Variants in HS2ST1 observed in about 807,000 individuals in gnomAD.
HS2ST1 encodes heparan sulfate 2-O-sulfotransferase 1.
Under a neutral mutation model 42.9 loss-of-function variants are expected in HS2ST1, and 18 were observed. The ratio of observed to expected loss-of-function variants is 0.42; its 90% CI spans 0.29 to 0.62. HS2ST1 has a LOEUF of 0.62. Ranked by LOEUF, HS2ST1 falls within the 20% of genes least tolerant of loss-of-function variation. The probability of loss-of-function intolerance (pLI) is 0.21; values close to 1 mark genes in which losing one functional copy is unlikely to be tolerated. For missense variants in HS2ST1, 334 were observed against 433.8 expected (o/e 0.77, Z 2.04); for synonymous variants, 146 against 152.9 (o/e 0.95, Z 0.33).
At chr1:86,924,985 T>C (rs1660384991) in intron 1 of HS2ST1, among the ~76,000 whole-genome samples, 2 of 152,356 alleles carry the variant, frequency 1.3e-5, no homozygotes, top group Admixed American at 6.5e-5. Flanking sequence ...ACTTTGATGC[T>C]CTGTTTCCCT....
chr1:86,953,327 T>C (rs1433746768), intron 1 of HS2ST1, among the ~76,000 whole-genome samples: 3 of 152,220 alleles, frequency 2.0e-5, no homozygotes, highest in Non-Finnish European at 4.4e-5. Flanking sequence ...GGCAGTTTCG[T>C]TTTCTTATCA....
In HS2ST1 at chr1:87,057,878, A is replaced by C. The variant is rs145789621; in HGVS notation, c.125-15056A>C. 5.3e-3 allele frequency among the ~76,000 whole-genome samples: 799 copies of C among 151,638 alleles called. 21 individuals carry two copies. The highest frequency in any genetic ancestry group is 0.024 in the Middle Eastern group (7 of 294). On this transcript the variant is annotated intron_variant, in intron 1 of 6. Coordinates refer to ENST00000370550, the MANE Select transcript of HS2ST1 (RefSeq NM_012262.4). ...AAAAAGAAAAAGAGAGAGAAAAAAA[A>C]CTGTATTTTTTGTCTTAAGCTAAAC...
chr1:87,080,808 G>A (rs1036385006), intron 2 of HS2ST1, among the ~76,000 whole-genome samples: 18 of 152,262 alleles, frequency 1.2e-4, no homozygotes, highest in Admixed American at 1.0e-3. Flanking sequence ...GTTTGAATAT[G>A]GTGCTGCCCT....
chr1:86,921,926 G>C (rs1278853404), intron 1 of HS2ST1, among the ~76,000 whole-genome samples: 1 of 152,050 alleles, frequency 6.6e-6, no homozygotes, highest in African/African-American at 2.4e-5. Flanking sequence ...TATTTAAAGT[G>C]GATTTTTGGT....
At chr1:86,963,099 AT>A (rs1210739224) in intron 1 of HS2ST1, among the ~76,000 whole-genome samples, 1 of 151,512 alleles carries the variant, frequency 6.6e-6, no homozygotes, top group Non-Finnish European at 1.5e-5. Context: ...GAAAGTTCGA[AT>A]TTTTTTTCAT....
intron 1 of HS2ST1, among the ~76,000 whole-genome samples, chr1:86,943,260 T>C (rs1570436278): frequency 6.6e-6 from 1 of 152,306 alleles, no homozygotes; most frequent in East Asian, 1.9e-4. Flanking sequence ...TATTTAAATG[T>C]CTGATACTGA....
At chr1:87,050,234 ATAAT>A (rs1487231802) in intron 1 of HS2ST1, among the ~76,000 whole-genome samples, 2 of 151,996 alleles carry the variant, frequency 1.3e-5, no homozygotes, top group African/African-American at 4.8e-5. Flanking sequence ...ATGGATCCTG[ATAAT>A]TAGTACATTA....
At chr1:87,048,271 C>G (rs774091519) in intron 1 of HS2ST1, among the ~76,000 whole-genome samples, 3 of 152,152 alleles carry the variant, frequency 2.0e-5, no homozygotes, top group Non-Finnish European at 2.9e-5. Context: ...TTGCTAAACT[C>G]ATTAATTCTC....
chr1:87,088,089 T>A (rs1651854571), intron 3 of HS2ST1, among the ~76,000 whole-genome samples: 2 of 152,102 alleles, frequency 1.3e-5, no homozygotes, highest in Admixed American at 6.6e-5. Flanking sequence ...GTGATTCTTT[T>A]TAAAATTCTG....
At chr1:87,079,066 TC>T (rs899978084) in intron 2 of HS2ST1, among the ~76,000 whole-genome samples, 3 of 152,130 alleles carry the variant, frequency 2.0e-5, no homozygotes, top group African/African-American at 7.2e-5. Flanking sequence ...TCATATTATT[TC>T]CTTGGAGAAC....
At chr1:86,989,980 G>A (rs1337573709) in intron 1 of HS2ST1, among the ~76,000 whole-genome samples, 1 of 151,910 alleles carries the variant, frequency 6.6e-6, no homozygotes, top group Non-Finnish European at 1.5e-5. Flanking sequence ...ATGGGCATTT[G>A]GGTGGGTTCC....
intron 1 of HS2ST1, among the ~76,000 whole-genome samples, chr1:86,943,749 G>A (rs1408357272): frequency 6.6e-6 from 1 of 151,824 alleles, no homozygotes; most frequent in South Asian, 2.1e-4. Flanking sequence ...ATTCTGGCCA[G>A]GCAGGGTAGC....
At chr1:86,942,257 C>T (rs935366756) in intron 1 of HS2ST1, among the ~76,000 whole-genome samples, 3 of 152,222 alleles carry the variant, frequency 2.0e-5, no homozygotes, top group Non-Finnish European at 4.4e-5. Flanking sequence ...GGCAGGCACA[C>T]TTAACTACTG....
At chr1:87,040,656 C>T (rs974386290) in intron 1 of HS2ST1, among the ~76,000 whole-genome samples, 60 of 152,082 alleles carry the variant, frequency 3.9e-4, no homozygotes, top group South Asian at 2.1e-4. Flanking sequence ...CAGATCCAAG[C>T]GTTCTGCTTA....
chr1:86,989,774 T>C (rs1648890012), intron 1 of HS2ST1, among the ~76,000 whole-genome samples: 1 of 152,176 alleles, frequency 6.6e-6, no homozygotes. Flanking sequence ...CCTGTGTCCA[T>C]GTGTTCTCAT....
At chr1:86,921,342 A>G (rs1467243085) in intron 1 of HS2ST1, among the ~76,000 whole-genome samples, 2 of 152,148 alleles carry the variant, frequency 1.3e-5, no homozygotes, top group Non-Finnish European at 2.9e-5. Context: ...GATTAAGTAT[A>G]TGCACATTTA....
At chr1:87,042,040 T>C (rs1031383322) in intron 1 of HS2ST1, among the ~76,000 whole-genome samples, 2 of 152,090 alleles carry the variant, frequency 1.3e-5, no homozygotes, top group Non-Finnish European at 2.9e-5. Flanking sequence ...GCATTTTCCT[T>C]ATTATTGTTT....
intron 1 of HS2ST1, among the ~76,000 whole-genome samples, chr1:86,928,304 T>C (rs1660464421): frequency 6.6e-6 from 1 of 152,050 alleles, no homozygotes. Context: ...TGAAATTGAA[T>C]TACTGGATTA....
intron 1 of HS2ST1, among the ~76,000 whole-genome samples, chr1:87,037,719 A>G (rs1412551943): frequency 6.6e-6 from 1 of 151,678 alleles, no homozygotes; most frequent in Non-Finnish European, 1.5e-5. Context: ...TTGTGTAACC[A>G]TACATTTTTA....
Sources: allele counts gnomAD v4.1 joint callset (sites outside exome capture counted in the v4.1 genomes callset), GRCh38; gene constraint gnomAD v4.1.1; transcripts MANE v1.5; gene names NCBI Gene and HGNC (gene_info 2026-07-23, HGNC 2026-07-21).